The following RECK variants were observed in gnomAD, a reference collection of about 807,000 sequenced individuals.
RECK encodes the protein reversion inducing cysteine rich protein with kazal motifs, also known as reversion-inducing cysteine-rich protein with Kazal motifs.
A neutral mutation model predicts 115.1 loss-of-function variants in RECK; 69 were observed. The ratio of observed to expected loss-of-function variants is 0.60; its 90% CI spans 0.49 to 0.73. The LOEUF (loss-of-function observed/expected upper bound fraction) is 0.73. Ranked by LOEUF, RECK falls within the 30% of genes least tolerant of loss-of-function variation. The pLI, the probability that RECK is intolerant of heterozygous loss-of-function variation, is 0.00. For missense variants in RECK, 1,047 were observed against 1,203.7 expected (o/e 0.87, Z 1.93); for synonymous variants, 414 against 419.7 (o/e 0.99, Z 0.17).
In RECK at chr9:36,123,684, A is replaced by G. The variant is rs1321553202; in HGVS notation, c.*639A>G. ...TGACACTCATATAATTATATGTTGT[A>G]AGCAACAGGCTCACTGGTCACGGAT... is the stretch of plus-strand genomic sequence containing the variant. On this transcript the variant is annotated 3_prime_UTR_variant, in exon 21 of 21. Transcript: ENST00000377966. 3.3e-5 allele frequency: 5 copies of G among 152,266 alleles called. No individual in the cohort carries two copies. 9.4% of individuals were successfully genotyped at this position (152,266 alleles called of 1,614,324 possible). A position where few individuals can be genotyped will look rare whatever the true frequency, so the allele number is the denominator to read the frequency against.
chr9:36,058,166 G>T (rs1281708160), intron 2 of RECK, among the ~76,000 whole-genome samples: 1 of 151,586 alleles, frequency 6.6e-6, no homozygotes, highest in Non-Finnish European at 1.5e-5. Flanking sequence ...TATACCCAAA[G>T]GACTATAAAT....
At chr9:36,096,373 C>T (rs890776723) in intron 10 of RECK, among the ~76,000 whole-genome samples, 3 of 151,280 alleles carry the variant, frequency 2.0e-5, no homozygotes, top group Non-Finnish European at 4.4e-5. Context: ...CTCGTCTCTA[C>T]TAAAAATACA....
intron 2 of RECK, among the ~76,000 whole-genome samples, chr9:36,056,746 C>T (rs1821545477): frequency 6.6e-6 from 1 of 151,670 alleles, no homozygotes; most frequent in Non-Finnish European, 1.5e-5. Flanking sequence ...ACATGGCTAA[C>T]AGCTACCTTA....
In RECK at chr9:36,123,096, A is replaced by G; in HGVS notation, c.*51A>G. ...CCTCCACCTCACTCTCCTGCCTTGA[A>G]AAAGACATTCAGGACTGCTGGTTTG... On this transcript the variant is annotated 3_prime_UTR_variant, in exon 21 of 21. Transcript: ENST00000377966. The G allele has an allele frequency of 6.9e-7, 1 of 1,450,914 alleles. No individual in the cohort carries two copies. The allele number at this position is 1,450,914 out of a possible 1,614,324, so 89.9% of individuals were successfully genotyped here.
intron 13 of RECK, among the ~76,000 whole-genome samples, chr9:36,106,817 T>C (rs919297909): frequency 1.3e-5 from 2 of 151,720 alleles, no homozygotes; most frequent in Non-Finnish European, 2.9e-5. Flanking sequence ...TATAATTCAA[T>C]TCAGGGGCCG....
rs1307225209 is a variant in RECK, at chr9:36,058,914, G to A, written c.234+13G>A. The A allele has an allele frequency of 1.4e-6, 2 of 1,476,730 alleles. No homozygotes were observed. The highest frequency in any genetic ancestry group is 1.4e-5 in the African/African-American group (1 of 70,702). The allele number at this position is 1,476,730 out of a possible 1,614,324, so 91.5% of individuals were successfully genotyped here. A position where few individuals can be genotyped will look rare whatever the true frequency, so the allele number is the denominator to read the frequency against. On this transcript the variant is annotated intron_variant, in intron 3 of 20. Coordinates refer to ENST00000377966, the MANE Select transcript of RECK (RefSeq NM_021111.3). Reference sequence around the variant, plus strand: ...CCCAGAGACAATGGTAAGTCTTATTGTAACTTAACTGTAGAAGCTTCTGTC... The same window carrying A: ...CCCAGAGACAATGGTAAGTCTTATTATAACTTAACTGTAGAAGCTTCTGTC...
intron 15 of RECK, among the ~76,000 whole-genome samples, 173 bp from the exon 16 acceptor site, chr9:36,112,132 A>G (rs1251704211): frequency 1.9e-4 from 28 of 151,328 alleles, no homozygotes; most frequent in Admixed American, 2.6e-4. Flanking sequence ...CAAAAAAAAA[A>G]AAAAAAAAAA....
intron 9 of RECK, among the ~76,000 whole-genome samples, chr9:36,090,357 A>G (rs1246570794): frequency 6.6e-6 from 1 of 152,140 alleles, no homozygotes; most frequent in East Asian, 1.9e-4. Flanking sequence ...ACACTCAATA[A>G]ACATTGGTGG....
chr9:36,122,887 T>C lies in RECK; in HGVS notation c.2758T>C (p.Leu920=). The change falls in exon 21 of 21, where the codon TTG becomes CTG. Residue 920 remains leucine, a synonymous_variant. Coordinates refer to ENST00000377966, the MANE Select transcript of RECK (RefSeq NM_021111.3). ...ESLINSDSPT[L]ASHVPLSALI... ...CCTTATCAACTCTGACAGCCCGACTTTGGCGTCCCATGTCCCTCTCTCTGC... is the reference window on the plus strand; with the variant it reads ...CCTTATCAACTCTGACAGCCCGACTCTGGCGTCCCATGTCCCTCTCTCTGC... The C allele has an allele frequency of 6.2e-7, 1 of 1,614,236 alleles. No homozygotes were observed. Among genetic ancestry groups the C allele is most frequent in the Non-Finnish European group, 8.5e-7 (1 of 1,180,042 alleles).
chr9:36,068,612 C>G (rs1249944902), intron 6 of RECK, among the ~76,000 whole-genome samples: 1 of 152,180 alleles, frequency 6.6e-6, no homozygotes, highest in African/African-American at 2.4e-5. Context: ...AGGGCATTTG[C>G]TGAATCAATT....
At position 36,102,185 on chromosome 9, in the gene RECK, C is replaced by T. The variant is rs1419370794; in HGVS notation, c.1390C>T (p.Pro464Ser). 4 of 1,613,510 alleles carry T rather than the reference C, an allele frequency of 2.5e-6. No homozygotes were observed. The highest frequency in any genetic ancestry group is 3.4e-6 in the Non-Finnish European group (4 of 1,179,496). ...TAESICELLS[P>S]TDDLKNCIPL... The stretch of plus-strand genomic sequence containing the variant: ...TGAAAGTATTTGTGAGCTTCTGTCA[C>T]CTACAGATGATCTGAAGAATTGTAT... Residue 464 changes from proline (P) to serine (S), a missense_variant, in exon 12 of 21, where the codon CCT becomes TCT. Transcript: ENST00000377966.
At chr9:36,047,285 G>A (rs1320764991) in intron 1 of RECK, among the ~76,000 whole-genome samples, 1 of 152,144 alleles carries the variant, frequency 6.6e-6, no homozygotes, top group Non-Finnish European at 1.5e-5. Flanking sequence ...GATGGATGTA[G>A]TTTCGTGTGG....
At chr9:36,104,789 G>A (rs890039455) in intron 12 of RECK, among the ~76,000 whole-genome samples, 3 of 152,112 alleles carry the variant, frequency 2.0e-5, no homozygotes, top group Admixed American at 6.5e-5. Flanking sequence ...GATTACAGGC[G>A]TAAGCCACTG....
intron 2 of RECK, among the ~76,000 whole-genome samples, chr9:36,055,284 T>C (rs1275187742): frequency 6.6e-6 from 1 of 152,226 alleles, no homozygotes; most frequent in African/African-American, 2.4e-5. Flanking sequence ...TGCTGGTTTA[T>C]TTAAGCTAAA....
chr9:36,119,338 GT>G (rs796224252), intron 18 of RECK, among the ~76,000 whole-genome samples: 1 of 152,304 alleles, frequency 6.6e-6, no homozygotes, highest in South Asian at 2.1e-4. Context: ...AATTAAAGTA[GT>G]TTTGATGAAC....
rs918481004 is a variant in RECK at position 36,094,380 on chromosome 9, T to C, written c.1085+3037T>C. Among the ~76,000 whole-genome samples, 1 of 152,122 alleles carries C rather than the reference T, an allele frequency of 6.6e-6. No individual in the cohort carries two copies. Among genetic ancestry groups the C allele is most frequent in the Non-Finnish European group, 1.5e-5 (1 of 67,992 alleles). ...GTTTCTTACATTATTTGTGACATTG[T>C]ATAGTATTAATTCAAGGAAAACTAT... On this transcript the variant is annotated intron_variant, in intron 10 of 20. Coordinates refer to ENST00000377966, the MANE Select transcript of RECK (RefSeq NM_021111.3). This position sits in a 1 kb window ranked among gnomAD's most constrained non-coding sequence, Gnocchi z 4.1.
At chr9:36,070,060 G>A (rs1343845476) in intron 6 of RECK, among the ~76,000 whole-genome samples, 3 of 152,174 alleles carry the variant, frequency 2.0e-5, no homozygotes, top group Non-Finnish European at 4.4e-5. Context: ...TTGCATTAGT[G>A]GAGCCTTTCT....
intron 6 of RECK, among the ~76,000 whole-genome samples, chr9:36,075,850 C>A (rs974460769): frequency 2.6e-5 from 4 of 152,148 alleles, no homozygotes; most frequent in Non-Finnish European, 5.9e-5. Context: ...AAAATGTGCT[C>A]TTTTGGGTCT....
rs144257167 is a variant in RECK, at chr9:36,094,202, CT to C, written c.1085+2867del. ...AATATTTTTTCTTTATTTTCTTTTTCTTTTTTTTCTTTTGTATTTTATTTTT... is the reference window on the plus strand; with the variant it reads ...AATATTTTTTCTTTATTTTCTTTTTCTTTTTTTCTTTTGTATTTTATTTTT... On this transcript the variant is annotated intron_variant, in intron 10 of 20. Coordinates refer to ENST00000377966, the MANE Select transcript of RECK (RefSeq NM_021111.3). The surrounding 1 kb of genome is among the most constrained non-coding windows in gnomAD (Gnocchi z 4.1). 5.4e-3 allele frequency among the ~76,000 whole-genome samples: 818 copies of C among 151,398 alleles called. 14 individuals carry two copies. The highest frequency in any genetic ancestry group is 0.019 in the African/African-American group (780 of 41,338).
Sources: gnomAD v4.1 joint callset for allele counts (sites outside exome capture counted in the v4.1 genomes callset) on GRCh38, gnomAD v4.1.1 for gene constraint, Gnocchi (gnomAD v3.1) non-coding constraint, MANE v1.5 for transcripts, NCBI Gene and HGNC (gene_info 2026-07-23, HGNC 2026-07-21) for gene names.